The following ACER2 variants were observed in gnomAD, a reference collection of about 807,000 sequenced individuals.
ACER2 encodes the protein alkCDase 2.
In ACER2, 26 loss-of-function variants were observed where a neutral mutation model predicts 34.7. That is an observed-to-expected ratio of 0.75 (90% CI 0.55 to 1.04). ACER2 has a LOEUF of 1.04. ACER2 is among the 50% of genes least tolerant of loss of function. The pLI is 0.00. For missense variants in ACER2, 352 were observed against 340.8 expected, an observed-to-expected ratio of 1.03 and a Z score of -0.26; for synonymous variants, 138 against 132.1, an observed-to-expected ratio of 1.04 and a Z score of -0.31.
chr9:19,422,254 C>T (rs752417574), intron 1 of ACER2, among the ~76,000 whole-genome samples: 8 of 151,754 alleles, frequency 5.3e-5, no homozygotes, highest in Non-Finnish European at 8.8e-5. Context: ...CAAGCTGGTC[C>T]CACCACTACA....
At chr9:19,426,282 TTCTTTCTTTTTCTG>T (rs1830561645) in intron 3 of ACER2, among the ~76,000 whole-genome samples, 1 of 151,542 alleles carries the variant, frequency 6.6e-6, no homozygotes, top group South Asian at 2.1e-4. Flanking sequence ...TTCTCTTTCT[TTCTTTCTTTTTCTG>T]TCTTTCTTTC....
At chr9:19,450,172 G>A (rs1317335602) in intron 5 of ACER2, 6 of 984,688 alleles carry the variant, frequency 6.1e-6, no homozygotes, top group Non-Finnish European at 7.2e-6. Context: ...CAGTCTTCTT[G>A]TTTGAGGCCC....
At chr9:19,422,886 G>T (rs1459052174) in intron 1 of ACER2, among the ~76,000 whole-genome samples, 1 of 151,944 alleles carries the variant, frequency 6.6e-6, no homozygotes, top group African/African-American at 2.4e-5. Flanking sequence ...ACAAAAATTA[G>T]CTGGGTGTGG....
At chr9:19,422,250 G>A (rs1240556384) in intron 1 of ACER2, among the ~76,000 whole-genome samples, 1 of 151,782 alleles carries the variant, frequency 6.6e-6, no homozygotes, top group African/African-American at 2.4e-5. Flanking sequence ...GCAGCAAGCT[G>A]GTCCCACCAC....
intron 3 of ACER2, among the ~76,000 whole-genome samples, chr9:19,433,601 A>G (rs1214315682): frequency 1.3e-5 from 2 of 152,080 alleles, no homozygotes; most frequent in African/African-American, 4.8e-5. Flanking sequence ...TCTTTTCCCC[A>G]CCTTTCCTCC....
At chr9:19,426,379 TCTCTCTCTCTCTCC>T (rs1166648404) in intron 3 of ACER2, among the ~76,000 whole-genome samples, 1 of 131,500 alleles carries the variant, frequency 7.6e-6, no homozygotes, top group East Asian at 2.2e-4. Context: ...TCTCTCTCTC[TCTCTCTCTCTCTCC>T]TCCTTTCCCT....
At chr9:19,419,583 T>G (rs1342843039) in intron 1 of ACER2, among the ~76,000 whole-genome samples, 1 of 152,118 alleles carries the variant, frequency 6.6e-6, no homozygotes, top group Non-Finnish European at 1.5e-5. Context: ...CTGGCCAACG[T>G]GATGAAACTC....
At chr9:19,424,016 G>A (rs1271178814) in intron 2 of ACER2, 40 bp downstream of exon 2, 1 of 1,453,070 alleles carries the variant, frequency 6.9e-7, no homozygotes. Context: ...TAATGGGGTG[G>A]TGGGATGGGG....
At chr9:19,424,641 G>A in intron 2 of ACER2, 59 bp from the exon 3 acceptor site, 1 of 1,606,670 alleles carries the variant, frequency 6.2e-7, no homozygotes, top group South Asian at 1.1e-5. Context: ...CTTAAGCAGT[G>A]TATTGAATTT....
Position 19,452,214 on chromosome 9 carries a change from C to A in ACER2, c.*1578C>A, listed in dbSNP as rs1165878730. 6.6e-6 allele frequency among the ~76,000 whole-genome samples: 1 copy of A among 152,116 alleles called. No homozygotes were observed. The highest frequency in any genetic ancestry group is 1.5e-5 in the Non-Finnish European group (1 of 68,022). On this transcript the variant is annotated 3_prime_UTR_variant, in exon 6 of 6. Transcript: ENST00000340967. ...TGGGAGAGGGCAGGACAGGTGTGTT[C>A]TTCTGTGGGCAGGAGTCATGTCACT...
At chr9:19,424,507 G>A in intron 2 of ACER2, 193 bp from the exon 3 acceptor site, 2 of 985,380 alleles carry the variant, frequency 2.0e-6, no homozygotes, top group Non-Finnish European at 2.4e-6. Context: ...TTGGGCCCTA[G>A]TTGAAATCTT....
chr9:19,424,884 G>C, intron 3 of ACER2, 43 bp downstream of exon 3: 1 of 1,610,962 alleles, frequency 6.2e-7, no homozygotes. Flanking sequence ...ACTAGGTGCA[G>C]TACCCAATAT....
intron 3 of ACER2, among the ~76,000 whole-genome samples, chr9:19,433,484 TC>T (rs1830828019): frequency 6.6e-6 from 1 of 151,878 alleles, no homozygotes; most frequent in South Asian, 2.1e-4. Context: ...AGGTCACAGA[TC>T]AACAGGATCC....
At chr9:19,430,160 T>C (rs756701032) in intron 3 of ACER2, among the ~76,000 whole-genome samples, 2 of 151,584 alleles carry the variant, frequency 1.3e-5, no homozygotes, top group Non-Finnish European at 2.9e-5. Flanking sequence ...ATGATAGTGG[T>C]TTTCAAGTCT....
At chr9:19,443,985 A>G (rs1563891164) in intron 4 of ACER2, among the ~76,000 whole-genome samples, 2 of 151,996 alleles carry the variant, frequency 1.3e-5, no homozygotes, top group East Asian at 3.9e-4. Flanking sequence ...TTACACAGAT[A>G]ATAAATTCAT....
intron 3 of ACER2, among the ~76,000 whole-genome samples, chr9:19,432,739 A>T (rs997365895): frequency 6.8e-6 from 1 of 147,908 alleles, no homozygotes; most frequent in Non-Finnish European, 1.5e-5. Flanking sequence ...TTACACATAT[A>T]TATAAATATA....
At chr9:19,423,829 C>G (rs750030022) in intron 1 of ACER2, 33 bp from the exon 2 acceptor site, 2 of 1,548,346 alleles carry the variant, frequency 1.3e-6, no homozygotes. Flanking sequence ...TTACTTAATA[C>G]TCATCTTTCT....
intron 3 of ACER2, among the ~76,000 whole-genome samples, chr9:19,430,851 C>T (rs759867325): frequency 1.1e-3 from 164 of 151,858 alleles, no homozygotes; most frequent in Non-Finnish European, 7.2e-4. Flanking sequence ...CCAGCTACTC[C>T]GGAGGCTGAG....
rs559824727 is a variant in ACER2, at chr9:19,410,713, C to G, written c.108+1521C>G. Among the ~76,000 whole-genome samples, 28 of 152,228 alleles carry G rather than the reference C, an allele frequency of 1.8e-4. No individual in the cohort carries two copies. The East Asian group carries it at 5.0e-3, about 27-fold the overall frequency. Reference sequence around the variant, plus strand: ...CAACAGGGTCTCAAAGAAAACCTGGCCCTCTGCTGACCACAGATACTGTGA... The same window carrying G: ...CAACAGGGTCTCAAAGAAAACCTGGGCCTCTGCTGACCACAGATACTGTGA... On this transcript the variant is annotated intron_variant, in intron 1 of 5. Coordinates refer to ENST00000340967, the MANE Select transcript of ACER2 (RefSeq NM_001010887.3).
Sources: allele counts gnomAD v4.1 joint callset (sites outside exome capture counted in the v4.1 genomes callset), GRCh38; gene constraint gnomAD v4.1.1; transcripts MANE v1.5; gene names NCBI Gene and HGNC (gene_info 2026-07-23, HGNC 2026-07-21).